Variants in PCDH11Y observed in about 807,000 individuals in gnomAD.
PCDH11Y encodes protocadherin-11 Y-linked.
For synonymous variants in PCDH11Y, 9 were observed against 83.6 expected (o/e 0.11, Z 4.87); for missense variants, 12 against 224.8 (o/e 0.05, Z 6.05).
At chrY:5,336,600 CA>C (rs764821907) in intron 2 of PCDH11Y, among the ~76,000 whole-genome samples, 3 of 4,230 alleles carry the variant, frequency 7.1e-4, no homozygotes, top group Non-Finnish European at 9.8e-4. Flanking sequence ...CCAGGCATAC[CA>C]AAAAAAAAAA....
chrY:5,427,846 G>A (rs2124680215), intron 2 of PCDH11Y, among the ~76,000 whole-genome samples: 1 of 33,021 alleles, frequency 3.0e-5, no homozygotes, highest in East Asian at 8.0e-4. Flanking sequence ...TCTGAGCAAC[G>A]CATTGTTAGG....
At chrY:5,059,804 T>C in intron 1 of PCDH11Y, among the ~76,000 whole-genome samples, 1 of 33,579 alleles carries the variant, frequency 3.0e-5, no homozygotes, top group African/African-American at 1.2e-4. Flanking sequence ...ATGATGTGCC[T>C]AAAGTACTGA....
chrY:5,075,560 G>A (rs2124631290), intron 1 of PCDH11Y, among the ~76,000 whole-genome samples: 1 of 32,499 alleles, frequency 3.1e-5, no homozygotes, highest in South Asian at 6.9e-4. Flanking sequence ...TACCTCCCCT[G>A]CCTACCAACA....
At chrY:5,054,541 A>C (rs2124627623), upstream of PCDH11Y, among the ~76,000 whole-genome samples, 8 of 22,386 alleles carry the variant, frequency 3.6e-4, no homozygotes, top group Admixed American at 3.7e-3. Context: ...TGTTTTTAAA[A>C]ACAGTCTGTA....
At chrY:5,635,377 G>A in intron 4 of PCDH11Y, among the ~76,000 whole-genome samples, 1 of 32,030 alleles carries the variant, frequency 3.1e-5, no homozygotes, top group Admixed American at 2.9e-4. Context: ...CAACTTGACT[G>A]GTGATCTTAG....
chrY:5,489,421 T>C, intron 2 of PCDH11Y, among the ~76,000 whole-genome samples: 1 of 28,566 alleles, frequency 3.5e-5, no homozygotes, highest in East Asian at 8.7e-4. Flanking sequence ...CTGATTAAAC[T>C]GTATAGTTAA....
intron 2 of PCDH11Y, among the ~76,000 whole-genome samples, chrY:5,417,309 A>G: frequency 3.5e-5 from 1 of 28,730 alleles, no homozygotes; most frequent in Non-Finnish European, 8.3e-5. Context: ...TGTAATTACT[A>G]TGGTTTTGAA....
chrY:5,362,063 T>C, intron 2 of PCDH11Y, among the ~76,000 whole-genome samples: 2 of 33,251 alleles, frequency 6.0e-5, no homozygotes, highest in African/African-American at 1.2e-4. Context: ...CGTTTTCATA[T>C]TTGTTTTAGT....
chrY:5,316,950 A>G (rs2124665307), intron 2 of PCDH11Y, among the ~76,000 whole-genome samples: 1 of 33,031 alleles, frequency 3.0e-5, no homozygotes, highest in African/African-American at 1.2e-4. Context: ...ATTTGAGACA[A>G]GTCTTAGTTA....
At chrY:5,720,189 T>G in intron 4 of PCDH11Y, among the ~76,000 whole-genome samples, 1 of 31,725 alleles carries the variant, frequency 3.2e-5, no homozygotes, top group Non-Finnish European at 7.6e-5. Context: ...ACCGTGAACT[T>G]TTGAGTTATT....
intron 2 of PCDH11Y, among the ~76,000 whole-genome samples, chrY:5,296,534 C>A: frequency 3.1e-5 from 1 of 32,579 alleles, no homozygotes; most frequent in Non-Finnish European, 7.5e-5. Context: ...TTCTTAGAGC[C>A]AGGGATTATT....
intron 3 of PCDH11Y, among the ~76,000 whole-genome samples, chrY:5,549,713 C>T: frequency 3.0e-5 from 1 of 33,280 alleles, no homozygotes; most frequent in African/African-American, 1.2e-4. Context: ...AGCTAAATGC[C>T]CATCAATGGC....
intron 2 of PCDH11Y, among the ~76,000 whole-genome samples, chrY:5,304,384 T>C: frequency 3.0e-5 from 1 of 32,801 alleles, no homozygotes; most frequent in African/African-American, 1.2e-4. Context: ...GAAATATTAT[T>C]ATTTATGGTA....
intron 2 of PCDH11Y, among the ~76,000 whole-genome samples, chrY:5,347,082 C>T: frequency 3.0e-5 from 1 of 33,445 alleles, no homozygotes; most frequent in Non-Finnish European, 7.4e-5. Context: ...ATGGATGTCA[C>T]ATTAAATAGT....
chrY:5,642,093 T>A, intron 4 of PCDH11Y, among the ~76,000 whole-genome samples: 1 of 32,924 alleles, frequency 3.0e-5, no homozygotes, highest in Admixed American at 2.8e-4. Flanking sequence ...CTAAGAATAA[T>A]GCTTCTCCCA....
intron 2 of PCDH11Y, among the ~76,000 whole-genome samples, chrY:5,307,427 C>A: frequency 3.1e-5 from 1 of 32,697 alleles, no homozygotes; most frequent in Non-Finnish European, 7.5e-5. Context: ...GCTTCATTCA[C>A]CTTAAAAAAA....
intron 2 of PCDH11Y, among the ~76,000 whole-genome samples, chrY:5,168,125 T>C (rs2052882089): frequency 6.4e-5 from 2 of 31,138 alleles, no homozygotes; most frequent in East Asian, 1.8e-3. Context: ...AATATTCTTA[T>C]AGGACACAAA....
chrY:5,130,565 C>A, intron 2 of PCDH11Y, among the ~76,000 whole-genome samples: 1 of 33,692 alleles, frequency 3.0e-5, no homozygotes, highest in East Asian at 7.9e-4. Context: ...GATAGCAACT[C>A]ACACCAGTCA....
intron 2 of PCDH11Y, among the ~76,000 whole-genome samples, chrY:5,486,086 TC>T (rs2053331110): frequency 3.2e-5 from 1 of 31,174 alleles, no homozygotes; most frequent in Non-Finnish European, 7.7e-5. Flanking sequence ...GTCTTTTTTT[TC>T]CTCCTAACAA....
Sources: gnomAD v4.1 joint callset for allele counts (sites outside exome capture counted in the v4.1 genomes callset) on GRCh38, gnomAD v4.1.1 for gene constraint, MANE v1.5 for transcripts, NCBI Gene and HGNC (gene_info 2026-07-23, HGNC 2026-07-21) for gene names.